The following SYT1 variants were observed in gnomAD, a reference collection of about 807,000 sequenced individuals.
The protein encoded by SYT1 is synaptotagmin 1, also known as synaptotagmin-1.
SYT1 carries 8 observed loss-of-function variants against 44.8 expected under a neutral mutation model. The ratio of observed to expected loss-of-function variants is 0.18; its 90% CI spans 0.10 to 0.32. SYT1 has a LOEUF of 0.32. Among genes scored for constraint, SYT1 ranks in the 10% least tolerant of loss-of-function variants. The pLI is 1.00. For synonymous variants in SYT1, 154 were observed against 188.8 expected (o/e 0.82, Z 1.51); for missense variants, 286 against 509.3 (o/e 0.56, Z 4.22).
intron 5 of SYT1, among the ~76,000 whole-genome samples, chr12:79,291,045 C>A (rs916511337): frequency 3.3e-5 from 5 of 151,988 alleles, no homozygotes; most frequent in Admixed American, 6.6e-5. Context: ...TACTTATAAC[C>A]TTTGATATTT....
At chr12:79,158,795 G>T (rs537632053) in intron 3 of SYT1, among the ~76,000 whole-genome samples, 51 of 152,120 alleles carry the variant, frequency 3.4e-4, no homozygotes, top group African/African-American at 1.1e-3. Context: ...TATTTTGGAG[G>T]CTGATGCAGG....
At chr12:79,013,583 A>G (rs1050178481) in intron 2 of SYT1, among the ~76,000 whole-genome samples, 6 of 152,188 alleles carry the variant, frequency 3.9e-5, no homozygotes, top group Admixed American at 6.6e-5. Flanking sequence ...CATCTGAAGC[A>G]TATTTCACTA....
intron 9 of SYT1, among the ~76,000 whole-genome samples, chr12:79,383,341 A>T (rs1283449260): frequency 6.6e-6 from 1 of 152,220 alleles, no homozygotes; most frequent in Non-Finnish European, 1.5e-5. Context: ...TACATTTAAA[A>T]CACATCATTA....
At chr12:79,035,344 G>A (rs1192082553) in intron 2 of SYT1, among the ~76,000 whole-genome samples, 1 of 151,626 alleles carries the variant, frequency 6.6e-6, no homozygotes. Context: ...TTCATTGTTT[G>A]TCATTTCACC....
At chr12:78,922,553 G>A (rs1436670704) in intron 1 of SYT1, among the ~76,000 whole-genome samples, 1 of 151,750 alleles carries the variant, frequency 6.6e-6, no homozygotes, top group Non-Finnish European at 1.5e-5. Context: ...AATTATAAAT[G>A]CTAATTGTTT....
intron 2 of SYT1, among the ~76,000 whole-genome samples, chr12:79,036,747 C>A (rs1335574610): frequency 6.6e-6 from 1 of 151,770 alleles, no homozygotes; most frequent in Non-Finnish European, 1.5e-5. Flanking sequence ...GTGCATTGAT[C>A]CTTTATTCAT....
rs935960037 is a variant in SYT1 at position 79,054,378 on chromosome 12, A to G, written c.-18+7016A>G. Among the ~76,000 whole-genome samples, 5 of 152,154 alleles carry G rather than the reference A, an allele frequency of 3.3e-5. No individual in the cohort carries two copies. The East Asian group carries it at 5.8e-4, about 18-fold the overall frequency. ...GATGCTAAAAATAAACCATGGTAGGAGAATTTAATTATTAAAGACAGCAAT... is the reference window on the plus strand; with the variant it reads ...GATGCTAAAAATAAACCATGGTAGGGGAATTTAATTATTAAAGACAGCAAT... On this transcript the variant is annotated intron_variant, in intron 3 of 10. Coordinates refer to ENST00000261205, the MANE Select transcript of SYT1 (RefSeq NM_005639.3).
At chr12:79,177,752 GATGATATCTCAT>G (rs1269152657) in intron 3 of SYT1, among the ~76,000 whole-genome samples, 1 of 126,646 alleles carries the variant, frequency 7.9e-6, no homozygotes, top group African/African-American at 3.2e-5. Flanking sequence ...ACTGGTGTGA[GATGATATCTCAT>G]AGTGGTTTTG....
In SYT1 at chr12:79,289,541, A is replaced by G. The variant is rs148407728; in HGVS notation, c.352-2467A>G. On this transcript the variant is annotated intron_variant, in intron 5 of 10. Transcript: ENST00000261205. ...GCAGAGATGGTCCTGCCTTCTATTC[A>G]GGTAAAAACCACTTAGGGAGAAGGA... Among the ~76,000 whole-genome samples the G allele has an allele frequency of 1.3e-3, 193 of 152,304 alleles. 2 individuals carry two copies. Among genetic ancestry groups the G allele is most frequent in the African/African-American group, 4.3e-3 (180 of 41,570 alleles).
chr12:78,905,848 C>T (rs184343029), intron 1 of SYT1, among the ~76,000 whole-genome samples: 53 of 151,956 alleles, frequency 3.5e-4, no homozygotes, highest in African/African-American at 1.3e-3. Flanking sequence ...CTATTTAAAA[C>T]TCTAATATGG....
At chr12:79,439,650 T>C (rs1870290436) in intron 9 of SYT1, among the ~76,000 whole-genome samples, 1 of 152,190 alleles carries the variant, frequency 6.6e-6, no homozygotes, top group Non-Finnish European at 1.5e-5. Context: ...AGCCACACTT[T>C]GAATCACTTT....
At chr12:78,906,516 A>G (rs1201387103) in intron 1 of SYT1, among the ~76,000 whole-genome samples, 1 of 152,154 alleles carries the variant, frequency 6.6e-6, no homozygotes, top group Non-Finnish European at 1.5e-5. Flanking sequence ...CTAAAATTCT[A>G]TAGAGAAAAG....
intron 2 of SYT1, among the ~76,000 whole-genome samples, chr12:78,984,372 T>C (rs1527080): frequency 0.083 from 12,621 of 152,026 alleles, 652 homozygotes; most frequent in African/African-American, 0.14. Flanking sequence ...TATTTATTAA[T>C]CTATTGGCTG....
At chr12:79,182,709 C>T (rs1441807351) in intron 3 of SYT1, among the ~76,000 whole-genome samples, 2 of 151,994 alleles carry the variant, frequency 1.3e-5, no homozygotes, top group Non-Finnish European at 2.9e-5. Context: ...AAATGTTTAC[C>T]CTTCTTCTAG....
At chr12:79,404,554 T>G (rs1885178048) in intron 9 of SYT1, among the ~76,000 whole-genome samples, 1 of 152,152 alleles carries the variant, frequency 6.6e-6, no homozygotes, top group Non-Finnish European at 1.5e-5. Flanking sequence ...CACAACCAAC[T>G]TATCTGGAGA....
At chr12:79,319,019 G>GAGATTCTAA (rs1881230079) in intron 8 of SYT1, among the ~76,000 whole-genome samples, 1 of 152,196 alleles carries the variant, frequency 6.6e-6, no homozygotes, top group Non-Finnish European at 1.5e-5. Context: ...AATCAGAGGA[G>GAGATTCTAA]AGATGTACGC....
At chr12:79,121,672 G>C (rs946759289) in intron 3 of SYT1, among the ~76,000 whole-genome samples, 1 of 152,126 alleles carries the variant, frequency 6.6e-6, no homozygotes, top group Non-Finnish European at 1.5e-5. Flanking sequence ...GCAATGAGTC[G>C]GCTGCACTTG....
intron 4 of SYT1, among the ~76,000 whole-genome samples, chr12:79,276,777 T>C (rs930006332): frequency 1.3e-5 from 2 of 151,156 alleles, no homozygotes; most frequent in African/African-American, 4.9e-5. Flanking sequence ...ACCAAGCAGA[T>C]GAAAGAAATT....
In SYT1 at chr12:79,178,989, TATATAG is replaced by T. The variant is rs1285267673; in HGVS notation, c.-17-38496_-17-38491del. 5.8e-5 allele frequency among the ~76,000 whole-genome samples: 4 copies of T among 69,280 alleles called. 2 individuals are homozygous for T. Among genetic ancestry groups the T allele is most frequent in the Non-Finnish European group, 1.2e-4 (4 of 34,466 alleles). The allele number at this position is 69,280 out of a possible 152,430, so 45.5% of individuals were successfully genotyped here. On this transcript the variant is annotated intron_variant, in intron 3 of 10. Coordinates refer to ENST00000261205, the MANE Select transcript of SYT1 (RefSeq NM_005639.3). ...ATAGATATATAGATATAGATATATC[TATATAG>T]ATATAGATATAGATATATAGATATA... is the stretch of plus-strand genomic sequence containing the variant.
Sources: allele counts gnomAD v4.1 joint callset (sites outside exome capture counted in the v4.1 genomes callset), GRCh38; gene constraint gnomAD v4.1.1; transcripts MANE v1.5; gene names NCBI Gene and HGNC (gene_info 2026-07-23, HGNC 2026-07-21).